PLEKHA6: variants seen among roughly 807,000 people sequenced by gnomAD.
PLEKHA6 encodes the protein pleckstrin homology domain-containing family A member 6.
A neutral mutation model predicts 116.7 loss-of-function variants in PLEKHA6; 60 were observed. The observed-to-expected ratio is 0.51, with a 90% CI of 0.42 to 0.64. PLEKHA6 has a LOEUF of 0.64. Ranked by LOEUF, PLEKHA6 falls within the 30% of genes least tolerant of loss-of-function variation. The probability of loss-of-function intolerance (pLI) is 0.00; values close to 1 mark genes in which losing one functional copy is unlikely to be tolerated. For synonymous variants in PLEKHA6, 489 were observed against 556.1 expected (o/e 0.88, Z 1.70); for missense variants, 1,338 against 1,422.7 (o/e 0.94, Z 0.96).
At chr1:204,364,027 A>G (rs12034728), upstream of PLEKHA6, among the ~76,000 whole-genome samples, 12 of 152,296 alleles carry the variant, frequency 7.9e-5, no homozygotes, top group East Asian at 2.1e-3. Flanking sequence ...AATACCCTGA[A>G]AGAAAGAGCT....
At chr1:204,289,555 G>A (rs1051016471) in intron 1 of PLEKHA6, among the ~76,000 whole-genome samples, 4 of 152,152 alleles carry the variant, frequency 2.6e-5, no homozygotes, top group East Asian at 1.9e-4. Context: ...CTGGCTGGCC[G>A]GGTTCCTTAA....
intron 1 of PLEKHA6, among the ~76,000 whole-genome samples, chr1:204,298,358 C>T (rs184341285): frequency 6.6e-6 from 1 of 152,336 alleles, no homozygotes; most frequent in East Asian, 1.9e-4. Flanking sequence ...TCAATGTTGA[C>T]TCCCTAGTGT....
intron 1 of PLEKHA6, among the ~76,000 whole-genome samples, chr1:204,301,732 C>T (rs1670841322): frequency 6.6e-6 from 1 of 152,144 alleles, no homozygotes; most frequent in Admixed American, 6.5e-5. Flanking sequence ...AACACACAGC[C>T]GAACAGGTTT....
chr1:204,298,251 T>C (rs1670478713), intron 1 of PLEKHA6, among the ~76,000 whole-genome samples: 1 of 152,202 alleles, frequency 6.6e-6, no homozygotes, highest in Non-Finnish European at 1.5e-5. Context: ...TGAGTCTTCC[T>C]TGTGAGCCCC....
Position 204,220,590 on chromosome 1 carries a change from G to A in PLEKHA6, c.*2198C>T, listed in dbSNP as rs1285653059. 1.3e-5 allele frequency: 2 copies of A among 152,512 alleles called. No individual in the cohort carries two copies. The highest frequency in any genetic ancestry group is 2.9e-5 in the Non-Finnish European group (2 of 68,012). 9.4% of individuals were successfully genotyped at this position (152,512 alleles called of 1,614,324 possible). A position where few individuals can be genotyped will look rare whatever the true frequency, so the allele number is the denominator to read the frequency against. On this transcript the variant is annotated 3_prime_UTR_variant, in exon 23 of 23. Transcript: ENST00000272203. ...GCATAAAATAGATGTCTTAAAATAA[G>A]TCTTTCCTCTCCCCTTCTTTGGATC...
At chr1:204,343,890 T>C (rs777089538) in intron 1 of PLEKHA6, among the ~76,000 whole-genome samples, 1 of 152,066 alleles carries the variant, frequency 6.6e-6, no homozygotes. Flanking sequence ...AAAAATAGAC[T>C]CTGACACCAG....
At chr1:204,368,150 C>T (rs1673704738) in intron 2 of PLEKHA6, among the ~76,000 whole-genome samples, 1 of 152,162 alleles carries the variant, frequency 6.6e-6, no homozygotes, top group African/African-American at 2.4e-5. Context: ...ATTCATTCAA[C>T]AAATCTTTAC....
intron 1 of PLEKHA6, chr1:204,313,676 G>A: frequency 4.1e-6 from 4 of 985,128 alleles, no homozygotes; most frequent in Non-Finnish European, 4.8e-6. Context: ...TCAGGTGGCT[G>A]TCTTTGAGAT....
chr1:204,377,838 C>G (rs1339216870), upstream of PLEKHA6: 11 of 62,620 alleles, frequency 1.8e-4, no homozygotes. Flanking sequence ...TGGCTGGCCT[C>G]CCCACTGAAG....
intron 1 of PLEKHA6, among the ~76,000 whole-genome samples, chr1:204,335,855 T>TC (rs1263026819): frequency 1.3e-5 from 2 of 152,178 alleles, no homozygotes; most frequent in Non-Finnish European, 2.9e-5. Flanking sequence ...ACCCCATAGC[T>TC]TTGGCTCTGC....
At chr1:204,305,876 C>T (rs1020807172) in intron 1 of PLEKHA6, among the ~76,000 whole-genome samples, 2 of 152,276 alleles carry the variant, frequency 1.3e-5, no homozygotes, top group East Asian at 3.9e-4. Context: ...ATTTCTTAGG[C>T]TTAAAATGTA....
intron 1 of PLEKHA6, among the ~76,000 whole-genome samples, chr1:204,349,631 G>A (rs962877746): frequency 2.0e-5 from 3 of 152,068 alleles, no homozygotes; most frequent in Non-Finnish European, 2.9e-5. Context: ...GGTGGGCTGT[G>A]GACCTGAGCA....
intron 1 of PLEKHA6, among the ~76,000 whole-genome samples, chr1:204,333,055 G>T (rs1335561141): frequency 6.6e-6 from 1 of 152,224 alleles, no homozygotes; most frequent in Non-Finnish European, 1.5e-5. Context: ...GCCAAATGAG[G>T]ATAAGGCAAA....
In PLEKHA6 at chr1:204,350,436, T is replaced by C. The variant is rs76494081; in HGVS notation, c.-95+9258A>G. Among the ~76,000 whole-genome samples the C allele has an allele frequency of 3.0e-4, 45 of 152,328 alleles. 1 individual carries two copies. The East Asian group carries it at 8.7e-3, about 29-fold the overall frequency. On this transcript the variant is annotated intron_variant, in intron 1 of 22. Coordinates refer to ENST00000272203, the MANE Select transcript of PLEKHA6 (RefSeq NM_014935.5). ...GGTAAACTCCTTGAGGTAAGAGCCATGTCTCTAATTTGTCAAGAATTCCAA... is the reference window on the plus strand; with the variant it reads ...GGTAAACTCCTTGAGGTAAGAGCCACGTCTCTAATTTGTCAAGAATTCCAA...
intron 1 of PLEKHA6, among the ~76,000 whole-genome samples, chr1:204,323,094 C>G (rs1490071394): frequency 6.6e-6 from 1 of 152,258 alleles, no homozygotes; most frequent in Non-Finnish European, 1.5e-5. Context: ...GGGTCTACAG[C>G]TATGTGGCAG....
chr1:204,286,009 GAGGAAGTACCACCA>G lies in PLEKHA6; in HGVS notation c.-94-11214_-94-11201del, dbSNP rs1450512412. On this transcript the variant is annotated intron_variant, in intron 1 of 22. Transcript: ENST00000272203. ...AGCTGGCATGGAGGAGGACAGGGTA[GAGGAAGTACCACCA>G]AGGACAGCAGGCTTAGGATTCTTCC... Among the ~76,000 whole-genome samples the G allele has an allele frequency of 5.3e-5, 8 of 152,260 alleles. No homozygotes were observed. The South Asian group carries it at 1.7e-3, about 32-fold the overall frequency.
At chr1:204,340,671 A>G (rs1558190958) in intron 1 of PLEKHA6, among the ~76,000 whole-genome samples, 1 of 152,176 alleles carries the variant, frequency 6.6e-6, no homozygotes, top group Non-Finnish European at 1.5e-5. Context: ...GGCCAGCAAC[A>G]TTCCTGGGAG....
chr1:204,230,480 T>G lies in PLEKHA6; in HGVS notation c.2516A>C (p.Lys839Thr), dbSNP rs552082339. Residue 839 changes from lysine to threonine, a missense_variant, in exon 18 of 23, where the codon AAG becomes ACG. By Grantham distance (78) the Lys-to-Thr change is moderately conservative (BLOSUM62 -1). Around this residue, in one of 3 missense-constraint regions of PLEKHA6, gnomAD observed 1,136 missense variants for 1,163.6 expected, o/e 0.98. Transcript: ENST00000272203. ...RRHQSGSMREKRRSLQLPASP... is the reference protein window; with the variant it reads ...RRHQSGSMRETRRSLQLPASP... The stretch of plus-strand genomic sequence containing the variant: ...GGCCGGGAGCTGCAGGCTCCTCCGC[T>G]TCTCCCTCATGGAGCCACTCTGGTG... 2 of 1,583,348 alleles carry G rather than the reference T, an allele frequency of 1.3e-6. No individual in the cohort carries two copies. Among genetic ancestry groups the G allele is most frequent in the Admixed American group, 1.8e-5 (1 of 54,670 alleles).
At position 204,347,253 on chromosome 1, in the gene PLEKHA6, C is replaced by A. The variant is rs546369020; in HGVS notation, c.-95+12441G>T. ...TGCCTCTCCTCTTTCCCTTTGTATT[C>A]GTCATTTTGGCGAATTACTGGAAGA... On this transcript the variant is annotated intron_variant, in intron 1 of 22. Coordinates refer to ENST00000272203, the MANE Select transcript of PLEKHA6 (RefSeq NM_014935.5). 1.1e-5 allele frequency: 11 copies of A among 1,041,528 alleles called. No individual in the cohort carries two copies. In the East Asian group the frequency reaches 1.9e-4, roughly 18 times the overall value. 64.5% of individuals were successfully genotyped at this position (1,041,528 alleles called of 1,614,324 possible). A position where few individuals can be genotyped will look rare whatever the true frequency, so the allele number is the denominator to read the frequency against.
Sources: gnomAD v4.1 joint callset for allele counts (sites outside exome capture counted in the v4.1 genomes callset) on GRCh38, gnomAD v4.1.1 for gene constraint, gnomAD v4.1.1 regional missense constraint, MANE v1.5 for transcripts, NCBI Gene and HGNC (gene_info 2026-07-23, HGNC 2026-07-21) for gene names.